TBC1D5: variants seen among roughly 807,000 people sequenced by gnomAD.
The protein encoded by TBC1D5 is TBC1 domain family member 5.
In TBC1D5, 75 loss-of-function variants were observed where a neutral mutation model predicts 100.3. That is an observed-to-expected ratio of 0.75 (90% CI 0.62 to 0.91). The LOEUF (loss-of-function observed/expected upper bound fraction) is 0.91, where lower values mean the gene tolerates loss of function less well. Among genes scored for constraint, TBC1D5 ranks in the 40% least tolerant of loss-of-function variants. TBC1D5 has a pLI of 0.00. For missense variants in TBC1D5, 910 were observed against 942.4 expected (o/e 0.97, Z 0.45); for synonymous variants, 323 against 325.6 (o/e 0.99, Z 0.09).
intron 15 of TBC1D5, among the ~76,000 whole-genome samples, chr3:17,289,161 C>A (rs1186426992): frequency 6.6e-6 from 1 of 152,184 alleles, no homozygotes; most frequent in African/African-American, 2.4e-5. Flanking sequence ...ATGGAGTCTG[C>A]GTCTGTGCTG....
intron 13 of TBC1D5, among the ~76,000 whole-genome samples, chr3:17,363,390 CT>C (rs1305957976): frequency 6.6e-6 from 1 of 152,038 alleles, no homozygotes; most frequent in Non-Finnish European, 1.5e-5. Flanking sequence ...GCAAAATTTT[CT>C]CTAATCTTTA....
chr3:17,210,154 T>A (rs754777396), intron 18 of TBC1D5, among the ~76,000 whole-genome samples: 3 of 152,154 alleles, frequency 2.0e-5, no homozygotes, highest in Non-Finnish European at 4.4e-5. Flanking sequence ...TTTAGACAGA[T>A]GTTGAATCTA....
At chr3:17,432,180 C>T (rs2094457316) in intron 3 of TBC1D5, among the ~76,000 whole-genome samples, 1 of 152,024 alleles carries the variant, frequency 6.6e-6, no homozygotes, top group Admixed American at 6.6e-5. Context: ...TGTCAACATA[C>T]ACAGTCTGGG....
At chr3:17,717,857 C>T (rs1345679835) in intron 1 of TBC1D5, among the ~76,000 whole-genome samples, 1 of 152,166 alleles carries the variant, frequency 6.6e-6, no homozygotes, top group Non-Finnish European at 1.5e-5. Flanking sequence ...CACCTTTACA[C>T]TTACTATGCA....
chr3:17,540,542 T>C (rs2096340939), intron 2 of TBC1D5, among the ~76,000 whole-genome samples: 1 of 152,124 alleles, frequency 6.6e-6, no homozygotes, highest in Admixed American at 6.5e-5. Flanking sequence ...CATGTGGCTA[T>C]CCCGTTTTCC....
chr3:17,283,513 G>T (rs2080828175), intron 15 of TBC1D5, among the ~76,000 whole-genome samples: 1 of 152,142 alleles, frequency 6.6e-6, no homozygotes, highest in Non-Finnish European at 1.5e-5. Flanking sequence ...AAAGATCAAA[G>T]TAAAAGAATT....
At chr3:17,480,187 C>A (rs979420798) in intron 3 of TBC1D5, among the ~76,000 whole-genome samples, 1 of 152,204 alleles carries the variant, frequency 6.6e-6, no homozygotes, top group Non-Finnish European at 1.5e-5. Context: ...CACCAGCGAG[C>A]GCAGGAGAGA....
intron 16 of TBC1D5, among the ~76,000 whole-genome samples, chr3:17,253,682 A>G (rs983746084): frequency 1.2e-4 from 19 of 152,214 alleles, no homozygotes; most frequent in Non-Finnish European, 2.9e-5. Flanking sequence ...TCTGATTTCT[A>G]TCACCACATG....
At chr3:17,587,658 C>T (rs907297490) in intron 2 of TBC1D5, among the ~76,000 whole-genome samples, 4 of 151,950 alleles carry the variant, frequency 2.6e-5, no homozygotes, top group African/African-American at 9.7e-5. Context: ...CATTGTGATG[C>T]TGCATTTTCT....
At chr3:17,222,297 A>G (rs757908145) in intron 17 of TBC1D5, among the ~76,000 whole-genome samples, 5 of 152,150 alleles carry the variant, frequency 3.3e-5, no homozygotes. Context: ...CACTATCATT[A>G]TCATGAACTT....
intron 13 of TBC1D5, among the ~76,000 whole-genome samples, chr3:17,367,894 G>C (rs1020835806): frequency 1.3e-5 from 2 of 151,688 alleles, no homozygotes; most frequent in East Asian, 3.9e-4. Context: ...TTATTTATTC[G>C]AATTATAGTA....
intron 17 of TBC1D5, among the ~76,000 whole-genome samples, chr3:17,224,404 A>G (rs1256654083): frequency 6.6e-6 from 1 of 152,262 alleles, no homozygotes; most frequent in Non-Finnish European, 1.5e-5. Context: ...GAAAGATAAA[A>G]TTAATTTTAA....
intron 1 of TBC1D5, among the ~76,000 whole-genome samples, chr3:17,687,932 T>C (rs1251287614): frequency 6.6e-6 from 1 of 152,128 alleles, no homozygotes; most frequent in Non-Finnish European, 1.5e-5. Context: ...TGAATTAAAA[T>C]AGGCAGACTG....
At chr3:17,665,936 A>G (rs2067211120) in intron 1 of TBC1D5, among the ~76,000 whole-genome samples, 1 of 152,156 alleles carries the variant, frequency 6.6e-6, no homozygotes, top group Non-Finnish European at 1.5e-5. Context: ...CTCCAGCTGA[A>G]ATCCTTTTCC....
At chr3:17,596,880 A>T (rs1041581159) in intron 2 of TBC1D5, among the ~76,000 whole-genome samples, 3 of 152,054 alleles carry the variant, frequency 2.0e-5, no homozygotes, top group Non-Finnish European at 2.9e-5. Flanking sequence ...TTCTGCATGA[A>T]CTACAACTGT....
chr3:17,487,592 G>C (rs1486513444), intron 3 of TBC1D5, among the ~76,000 whole-genome samples: 4 of 152,146 alleles, frequency 2.6e-5, no homozygotes, highest in Non-Finnish European at 5.9e-5. Context: ...AAAAAGGTTT[G>C]AGCTACATTA....
intron 4 of TBC1D5, among the ~76,000 whole-genome samples, chr3:17,413,462 A>C (rs2093988455): frequency 6.6e-6 from 1 of 152,214 alleles, no homozygotes; most frequent in Admixed American, 6.6e-5. Flanking sequence ...GAAAGCAATC[A>C]GAATATGTAG....
At chr3:17,396,255 G>A (rs2093501845) in intron 8 of TBC1D5, among the ~76,000 whole-genome samples, 1 of 152,060 alleles carries the variant, frequency 6.6e-6, no homozygotes, top group African/African-American at 2.4e-5. Context: ...CCACCTCGAG[G>A]AGACTGAAAA....
intron 17 of TBC1D5, among the ~76,000 whole-genome samples, chr3:17,216,281 C>T (rs1396577332): frequency 6.6e-6 from 1 of 152,018 alleles, no homozygotes; most frequent in African/African-American, 2.4e-5. Context: ...GTTCCCAGCT[C>T]GTGATTGGGA....
Sources: allele counts gnomAD v4.1 joint callset (sites outside exome capture counted in the v4.1 genomes callset), GRCh38; gene constraint gnomAD v4.1.1; transcripts MANE v1.5; gene names NCBI Gene and HGNC (gene_info 2026-07-23, HGNC 2026-07-21).